WWC1: variants seen among roughly 807,000 people sequenced by gnomAD.
WWC1 encodes the protein WW and C2 domain containing 1, also known as protein KIBRA.
A neutral mutation model predicts 138.4 loss-of-function variants in WWC1; 55 were observed. That is an observed-to-expected ratio of 0.40 (90% CI 0.32 to 0.50). The LOEUF is 0.50. WWC1 is among the 20% of genes least tolerant of loss of function. The pLI, the probability that WWC1 is intolerant of heterozygous loss-of-function variation, is 0.72. For synonymous variants in WWC1, 524 were observed against 564.9 expected (o/e 0.93, Z 1.03); for missense variants, 1,226 against 1,420.4 (o/e 0.86, Z 2.20).
intron 1 of WWC1, among the ~76,000 whole-genome samples, chr5:168,361,646 C>G (rs978021508): frequency 6.6e-6 from 1 of 152,182 alleles, no homozygotes; most frequent in Non-Finnish European, 1.5e-5. Context: ...GTCCCCAGGT[C>G]CCCTGGGTCC....
chr5:168,322,627 G>A (rs1165421164), intron 1 of WWC1, among the ~76,000 whole-genome samples: 1 of 152,212 alleles, frequency 6.6e-6, no homozygotes, highest in Non-Finnish European at 1.5e-5. Flanking sequence ...TAGAAATAGT[G>A]TTTAGCTGCT....
At chr5:168,405,876 G>T (rs887373048) in intron 5 of WWC1, among the ~76,000 whole-genome samples, 2 of 152,032 alleles carry the variant, frequency 1.3e-5, no homozygotes, top group Non-Finnish European at 2.9e-5. Context: ...ACAGGCTTGT[G>T]CCACCATGCC....
intron 17 of WWC1, among the ~76,000 whole-genome samples, chr5:168,447,819 A>G (rs4976554): frequency 0.53 from 79,115 of 150,022 alleles, 23,043 homozygotes; most frequent in Middle Eastern, 0.72. Context: ...GTTTCTCCCC[A>G]CTGACCCCTG....
At chr5:168,310,320 A>T (rs1770951783) in intron 1 of WWC1, among the ~76,000 whole-genome samples, 1 of 151,672 alleles carries the variant, frequency 6.6e-6, no homozygotes, top group Non-Finnish European at 1.5e-5. Flanking sequence ...TTTTGCGTTG[A>T]CCATTTACCT....
At chr5:168,454,381 T>A (rs1756112851) in intron 18 of WWC1, among the ~76,000 whole-genome samples, 1 of 152,224 alleles carries the variant, frequency 6.6e-6, no homozygotes, top group African/African-American at 2.4e-5. Context: ...GCTCTGATAC[T>A]CCCTGGCTGT....
At chr5:168,380,836 A>G (rs972861560) in intron 2 of WWC1, among the ~76,000 whole-genome samples, 2 of 152,354 alleles carry the variant, frequency 1.3e-5, no homozygotes, top group South Asian at 4.1e-4. Flanking sequence ...TACAACAGAT[A>G]CAGCAATAGG....
At chr5:168,405,577 G>A (rs146394030) in intron 5 of WWC1, among the ~76,000 whole-genome samples, 6 of 152,288 alleles carry the variant, frequency 3.9e-5, no homozygotes, top group South Asian at 2.1e-4. Context: ...TACCCAGCCC[G>A]GAGGACCCAG....
intron 1 of WWC1, among the ~76,000 whole-genome samples, chr5:168,339,859 T>TTCTTTCTC: frequency 7.2e-6 from 1 of 138,968 alleles, no homozygotes; most frequent in Middle Eastern, 3.7e-3. Flanking sequence ...CTTTCTCTCT[T>TTCTTTCTC]TCTCTCTCTC....
chr5:168,417,212 C>A (rs1476544648), intron 9 of WWC1, among the ~76,000 whole-genome samples: 2 of 152,186 alleles, frequency 1.3e-5, no homozygotes, highest in African/African-American at 4.8e-5. Context: ...TGATGTACAT[C>A]ATTTTGCTTA....
In WWC1 at chr5:168,454,051, T is replaced by C. The variant is rs1469023965; in HGVS notation, c.2609T>C (p.Val870Ala). The C allele has an allele frequency of 6.2e-7, 1 of 1,611,854 alleles. No individual in the cohort carries two copies. The change falls in exon 18 of 23, where the codon GTT (valine) becomes GCT (alanine). Residue 870 changes from valine (V) to alanine (A), a missense_variant. By Grantham distance (64) the Val-to-Ala change is moderately conservative. Around this residue, in one of 3 missense-constraint regions of WWC1, gnomAD observed 1,016 missense variants for 1,153.9 expected, o/e 0.88. Transcript: ENST00000265293. The stretch of plus-strand genomic sequence containing the variant: ...GAGGAGGAGGAGGGAGAAGAGGATG[T>C]TTTCACCGAGAAAGCCTCACCTGAT... ...EVEEEEGEEDVFTEKASPDMD... is the reference protein window; with the variant it reads ...EVEEEEGEEDAFTEKASPDMD...
intron 21 of WWC1, among the ~76,000 whole-genome samples, chr5:168,466,908 T>C (rs888775): frequency 0.019 from 2,812 of 151,454 alleles, 91 homozygotes; most frequent in African/African-American, 0.064. Context: ...AACTTGACCT[T>C]TCAAATAGTA....
intron 1 of WWC1, among the ~76,000 whole-genome samples, chr5:168,338,037 G>A (rs185664985): frequency 5.9e-5 from 9 of 152,234 alleles, no homozygotes; most frequent in African/African-American, 1.2e-4. Flanking sequence ...AAGGCCAGGC[G>A]CAGGGGCTCA....
Position 168,357,501 on chromosome 5 carries a change from C to T in WWC1, c.120-13923C>T, listed in dbSNP as rs539535280. Among the ~76,000 whole-genome samples, 556 of 140,634 alleles carry T rather than the reference C, an allele frequency of 4.0e-3. 3 individuals carry two copies. The highest frequency in any genetic ancestry group is 5.1e-3 in the Admixed American group (75 of 14,594). The allele number at this position is 140,634 out of a possible 152,430, so 92.3% of individuals were successfully genotyped here. A position where few individuals can be genotyped will look rare whatever the true frequency, so the allele number is the denominator to read the frequency against. ...GTGTGTGTGTGTGTGTGTGCGCGCG[C>T]GCACGCATGCACGTGCGTGCATGCC... On this transcript the variant is annotated intron_variant, in intron 1 of 22. Coordinates refer to ENST00000265293, the MANE Select transcript of WWC1 (RefSeq NM_015238.3).
intron 1 of WWC1, among the ~76,000 whole-genome samples, chr5:168,335,842 T>C (rs1773407029): frequency 6.6e-6 from 1 of 152,250 alleles, no homozygotes; most frequent in African/African-American, 2.4e-5. Context: ...ATTACTAAAC[T>C]GAGGCTTAGA....
intron 1 of WWC1, among the ~76,000 whole-genome samples, chr5:168,319,281 G>A (rs556046697): frequency 3.9e-5 from 6 of 152,246 alleles, no homozygotes; most frequent in East Asian, 2.0e-4. Context: ...TTAGCTGGAC[G>A]TGGTGGCGGG....
chr5:168,296,140 T>C (rs1304480156), intron 1 of WWC1, among the ~76,000 whole-genome samples: 1 of 152,206 alleles, frequency 6.6e-6, no homozygotes, highest in Non-Finnish European at 1.5e-5. Context: ...AATGCACCGA[T>C]TGTTCTCGGA....
rs1395661341 is a variant in WWC1 at position 168,339,916 on chromosome 5, TCTCTCTCTTTCTCTCTTTCTCTCTC to T, written c.120-31507_120-31483del. Reference sequence around the variant, plus strand: ...CTCTGTCTCTCTCTCTTTCTCTCTCTCTCTCTCTTTCTCTCTTTCTCTCTCTCTCTCCCCCTCTCCCTCTCTCTCT... The same window carrying T: ...CTCTGTCTCTCTCTCTTTCTCTCTCTTCTCTCCCCCTCTCCCTCTCTCTCT... On this transcript the variant is annotated intron_variant, in intron 1 of 22. Transcript: ENST00000265293. Among the ~76,000 whole-genome samples, 8 of 136,536 alleles carry T rather than the reference TCTCTCTCTTTCTCTCTTTCTCTCTC, an allele frequency of 5.9e-5. No homozygotes were observed. The South Asian group carries it at 1.2e-3, about 21-fold the overall frequency. 89.6% of individuals were successfully genotyped at this position (136,536 alleles called of 152,430 possible).
Position 168,292,385 on chromosome 5 carries a change from A to T in WWC1, c.119+114A>T, listed in dbSNP as rs896852304. The T allele has an allele frequency of 8.0e-5, 101 of 1,257,376 alleles. No homozygotes were observed. Among genetic ancestry groups the T allele is most frequent in the Non-Finnish European group, 9.8e-5 (90 of 918,026 alleles). 77.9% of individuals were successfully genotyped at this position (1,257,376 alleles called of 1,614,324 possible). ...GCAGGGGAGCTCTGCGTGCCTCTTGAGCTCTCTTCAGTTCGCCACCCCCTG... is the reference window on the plus strand; with the variant it reads ...GCAGGGGAGCTCTGCGTGCCTCTTGTGCTCTCTTCAGTTCGCCACCCCCTG... On this transcript the variant is annotated intron_variant, in intron 1 of 22. Coordinates refer to ENST00000265293, the MANE Select transcript of WWC1 (RefSeq NM_015238.3). The surrounding 1 kb of genome is among the most constrained non-coding windows in gnomAD (Gnocchi z 4.4).
chr5:168,394,683 G>A lies in WWC1; in HGVS notation c.434-3041G>A, dbSNP rs80102061. On this transcript the variant is annotated intron_variant, in intron 3 of 22. Coordinates refer to ENST00000265293, the MANE Select transcript of WWC1 (RefSeq NM_015238.3). ...AGAGGTGGCAGTGAGCCAAGTTCAC[G>A]CCACTGCATTCCAGCCTGGGCAACA... Among the ~76,000 whole-genome samples the A allele has an allele frequency of 9.3e-3, 1,420 of 152,220 alleles. 27 individuals carry two copies. The highest frequency in any genetic ancestry group is 0.032 in the African/African-American group (1,344 of 41,524).
Sources: allele counts gnomAD v4.1 joint callset (sites outside exome capture counted in the v4.1 genomes callset), GRCh38; gene constraint gnomAD v4.1.1; regional missense constraint gnomAD v4.1.1; non-coding constraint Gnocchi (gnomAD v3.1); transcripts MANE v1.5; gene names NCBI Gene and HGNC (gene_info 2026-07-23, HGNC 2026-07-21).